Variants in LRRTM3 observed in about 807,000 individuals in gnomAD.
LRRTM3 encodes leucine-rich repeat transmembrane neuronal protein 3.
In LRRTM3, 24 loss-of-function variants were observed where a neutral mutation model predicts 44.7. That is an observed-to-expected ratio of 0.54 (90% confidence interval 0.39 to 0.76). LRRTM3 has a LOEUF of 0.76. Ranked by LOEUF, LRRTM3 falls within the 30% of genes least tolerant of loss-of-function variation. The pLI, the probability that LRRTM3 is intolerant of heterozygous loss-of-function variation, is 0.00. For missense variants in LRRTM3, 587 were observed against 702.2 expected (o/e 0.84, Z 1.85); for synonymous variants, 277 against 278.7 (o/e 0.99, Z 0.06).
chr10:67,067,644 A>G (rs1407098923), intron 2 of LRRTM3, among the ~76,000 whole-genome samples: 1 of 152,230 alleles, frequency 6.6e-6, no homozygotes, highest in Non-Finnish European at 1.5e-5. Flanking sequence ...CATCCTAGGT[A>G]ACAGCTAAGA....
Position 66,962,270 on chromosome 10 carries a change from C to G in LRRTM3, c.1536+33818C>G, listed in dbSNP as rs529452393. ...ATTTTCTCACTGACCTTATCACCCA[C>G]TAGCCTCTCTTTGGCTTATTACAGG... On this transcript the variant is annotated intron_variant, in intron 2 of 2. Coordinates refer to ENST00000361320, the MANE Select transcript of LRRTM3 (RefSeq NM_178011.5). 9.9e-5 allele frequency among the ~76,000 whole-genome samples: 15 copies of G among 152,284 alleles called. No homozygotes were observed. The South Asian group carries it at 1.5e-3, about 15-fold the overall frequency.
At chr10:67,053,586 G>A (rs1285095722) in intron 2 of LRRTM3, among the ~76,000 whole-genome samples, 8 of 152,092 alleles carry the variant, frequency 5.3e-5, no homozygotes, top group Non-Finnish European at 1.2e-4. Flanking sequence ...AAATTCTTTT[G>A]TTTTCATCTG....
intron 2 of LRRTM3, among the ~76,000 whole-genome samples, chr10:66,963,523 A>AT (rs1214075731): frequency 6.6e-6 from 1 of 152,176 alleles, no homozygotes; most frequent in Non-Finnish European, 1.5e-5. Context: ...ATGGTCAAAT[A>AT]TAAGAACAGG....
chr10:66,978,436 A>G (rs1850190357), intron 2 of LRRTM3, among the ~76,000 whole-genome samples: 1 of 148,286 alleles, frequency 6.7e-6, no homozygotes, highest in Non-Finnish European at 1.5e-5. Flanking sequence ...CTGAGGCAGG[A>G]GAATCACTTT....
chr10:66,932,618 T>C (rs1415610499), intron 2 of LRRTM3, among the ~76,000 whole-genome samples: 3 of 152,134 alleles, frequency 2.0e-5, no homozygotes, highest in Non-Finnish European at 4.4e-5. Context: ...TAGGTAAATT[T>C]GAATGACACA....
At chr10:66,991,048 T>A (rs1851011045) in intron 2 of LRRTM3, among the ~76,000 whole-genome samples, 1 of 152,122 alleles carries the variant, frequency 6.6e-6, no homozygotes, top group African/African-American at 2.4e-5. Flanking sequence ...GTGGTACAAG[T>A]CTTACAAGAC....
At position 66,983,899 on chromosome 10, in the gene LRRTM3, T is replaced by C. The variant is rs189834685; in HGVS notation, c.1536+55447T>C. Among the ~76,000 whole-genome samples the C allele has an allele frequency of 7.9e-5, 12 of 152,370 alleles. No individual in the cohort carries two copies. In the East Asian group the frequency reaches 2.1e-3, roughly 27 times the overall value. On this transcript the variant is annotated intron_variant, in intron 2 of 2. Transcript: ENST00000361320. ...TTAGCACTTGCTAGGTGATAGGCTC[T>C]ATGCTAAGTCCTTTGCATGCACTAT...
intron 2 of LRRTM3, among the ~76,000 whole-genome samples, chr10:66,931,192 T>TAAAAAA (rs3056552): frequency 9.3e-5 from 11 of 118,660 alleles, no homozygotes; most frequent in East Asian, 2.5e-4. Context: ...TGACAACAGT[T>TAAAAAA]AAAAAAAAAA....
chr10:66,936,628 G>T (rs971932557), intron 2 of LRRTM3, among the ~76,000 whole-genome samples: 1 of 152,030 alleles, frequency 6.6e-6, no homozygotes, highest in African/African-American at 2.4e-5. Context: ...TGGAGTCATC[G>T]GACAGATGGA....
chr10:66,928,544 C>A, intron 2 of LRRTM3, 92 bp downstream of exon 2: 2 of 1,190,570 alleles, frequency 1.7e-6, no homozygotes, highest in Non-Finnish European at 2.3e-6. Context: ...AACGCGATGC[C>A]CCCCCTCCCC....
At chr10:66,942,548 GTCTC>G (rs67598003) in intron 2 of LRRTM3, among the ~76,000 whole-genome samples, 54,416 of 147,862 alleles carry the variant, frequency 0.37, 10,185 homozygotes, top group African/African-American at 0.41. Flanking sequence ...TTGCCATAAT[GTCTC>G]TCTCTCTCTC....
At chr10:66,976,621 T>G (rs1850047222) in intron 2 of LRRTM3, among the ~76,000 whole-genome samples, 2 of 152,200 alleles carry the variant, frequency 1.3e-5, no homozygotes, top group African/African-American at 2.4e-5. Flanking sequence ...TTGGCATTTT[T>G]GGCCCTTTTC....
Position 67,098,418 on chromosome 10 carries a change from C to T in LRRTM3, c.*622C>T, listed in dbSNP as rs755182388. On this transcript the variant is annotated 3_prime_UTR_variant, in exon 3 of 3. Transcript: ENST00000361320. ...ACCAAAAAGGATTTAATTGTTCAGACTTGTAAGAGGTTCTTCAATTACATA... is the reference window on the plus strand; with the variant it reads ...ACCAAAAAGGATTTAATTGTTCAGATTTGTAAGAGGTTCTTCAATTACATA... The T allele has an allele frequency of 2.0e-5, 3 of 152,000 alleles. No individual in the cohort carries two copies. The highest frequency in any genetic ancestry group is 2.9e-5 in the Non-Finnish European group (2 of 67,850). 9.4% of individuals were successfully genotyped at this position (152,000 alleles called of 1,614,324 possible). A position where few individuals can be genotyped will look rare whatever the true frequency, so the allele number is the denominator to read the frequency against.
chr10:66,966,777 A>G (rs1029605172), intron 2 of LRRTM3, among the ~76,000 whole-genome samples: 3 of 152,088 alleles, frequency 2.0e-5, no homozygotes, highest in Non-Finnish European at 2.9e-5. Flanking sequence ...GTAAGAAGAA[A>G]ATAAATATGG....
At chr10:67,038,300 C>A (rs1854189757) in intron 2 of LRRTM3, among the ~76,000 whole-genome samples, 1 of 152,026 alleles carries the variant, frequency 6.6e-6, no homozygotes, top group African/African-American at 2.4e-5. Context: ...TCCTTCAGTC[C>A]TTCAAATGTA....
rs569965455 is a variant in LRRTM3 at position 66,977,370 on chromosome 10, A to G, written c.1536+48918A>G. ...AGGATTGCTTGAACCTGGGAAGCAG[A>G]GGTTGCAGTGAGCCAAGATCACGCC... On this transcript the variant is annotated intron_variant, in intron 2 of 2. Transcript: ENST00000361320. Among the ~76,000 whole-genome samples, 154 of 151,810 alleles carry G rather than the reference A, an allele frequency of 1.0e-3. 1 individual carries two copies. The highest frequency in any genetic ancestry group is 3.4e-3 in the African/African-American group (140 of 41,358).
rs374960637 is a variant in LRRTM3 at position 67,051,554 on chromosome 10, G to A, written c.1537-46033G>A. ...GGCTCACTGCAACCTCCGCCTTCCA[G>A]GTTCAAGCGATTCTCCTGCCTCAAT... On this transcript the variant is annotated intron_variant, in intron 2 of 2. Transcript: ENST00000361320. 8.1e-4 allele frequency among the ~76,000 whole-genome samples: 123 copies of A among 151,066 alleles called. 5 individuals are homozygous for A. In the East Asian group the frequency reaches 0.023, roughly 28 times the overall value.
chr10:67,088,647 A>G (rs566502978), intron 2 of LRRTM3, among the ~76,000 whole-genome samples: 15 of 152,060 alleles, frequency 9.9e-5, no homozygotes, highest in African/African-American at 2.9e-4. Flanking sequence ...GTGACCTTTC[A>G]AATAGAACTC....
chr10:66,954,900 C>T lies in LRRTM3; in HGVS notation c.1536+26448C>T, dbSNP rs372179942. Among the ~76,000 whole-genome samples the T allele has an allele frequency of 2.0e-5, 3 of 152,054 alleles. No individual in the cohort carries two copies. The South Asian group carries it at 6.2e-4, about 32-fold the overall frequency. On this transcript the variant is annotated intron_variant, in intron 2 of 2. Coordinates refer to ENST00000361320, the MANE Select transcript of LRRTM3 (RefSeq NM_178011.5). Reference sequence around the variant, plus strand: ...ATTCTGGCCTAAACACTGTCATTGGCTTGTAATGTAATTTTGTGCAGTTTT... The same window carrying T: ...ATTCTGGCCTAAACACTGTCATTGGTTTGTAATGTAATTTTGTGCAGTTTT...
Sources: allele counts gnomAD v4.1 joint callset (sites outside exome capture counted in the v4.1 genomes callset), GRCh38; gene constraint gnomAD v4.1.1; transcripts MANE v1.5; gene names NCBI Gene and HGNC (gene_info 2026-07-23, HGNC 2026-07-21).